The following EIF4H variants were observed in gnomAD, a reference collection of about 807,000 sequenced individuals.
EIF4H encodes the protein eukaryotic translation initiation factor 4H, also known as Williams-Beuren syndrome chromosome region 1.
In EIF4H, 8 loss-of-function variants were observed where a neutral mutation model predicts 30.6. The ratio of observed to expected loss-of-function variants is 0.26; its 90% confidence interval spans 0.15 to 0.47. The LOEUF (loss-of-function observed/expected upper bound fraction) is 0.47. EIF4H is among the 20% of genes least tolerant of loss of function. The pLI, the probability that EIF4H is intolerant of heterozygous loss-of-function variation, is 0.99. For missense variants in EIF4H, 188 were observed against 339.5 expected (o/e 0.55, Z 3.51); for synonymous variants, 106 against 122.7 (o/e 0.86, Z 0.90).
chr7:74,179,226 A>G (rs1459853434), intron 1 of EIF4H, among the ~76,000 whole-genome samples: 1 of 152,182 alleles, frequency 6.6e-6, no homozygotes, highest in Non-Finnish European at 1.5e-5. Flanking sequence ...ATAATTCTGG[A>G]TATTCATATT....
intron 1 of EIF4H, among the ~76,000 whole-genome samples, chr7:74,180,676 A>T (rs559623256): frequency 6.6e-6 from 1 of 152,310 alleles, no homozygotes; most frequent in South Asian, 2.1e-4. Flanking sequence ...GAAGAAGGTG[A>T]TAGTGGGGAT....
chr7:74,190,657 A>G (rs1471625112), intron 5 of EIF4H, among the ~76,000 whole-genome samples: 1 of 152,196 alleles, frequency 6.6e-6, no homozygotes, highest in Non-Finnish European at 1.5e-5. Flanking sequence ...TCTGGAAAAC[A>G]TAGGATAGAG....
chr7:74,184,735 C>T (rs1037589866), intron 1 of EIF4H, among the ~76,000 whole-genome samples: 1 of 151,878 alleles, frequency 6.6e-6, no homozygotes, highest in South Asian at 2.1e-4. Flanking sequence ...GAGATGGAGT[C>T]TCGCTCTGTA....
rs987416273 is a variant in EIF4H at position 74,187,601 on chromosome 7, C to T, written c.60-10C>T. The T allele has an allele frequency of 6.4e-7, 1 of 1,560,550 alleles. No individual in the cohort carries two copies. Among genetic ancestry groups the T allele is most frequent in the Admixed American group, 1.9e-5 (1 of 53,784 alleles). On this transcript the variant is annotated splice_polypyrimidine_tract_variant and intron_variant, in intron 1 of 6. Coordinates refer to ENST00000265753, the MANE Select transcript of EIF4H (RefSeq NM_022170.2). ...GGGCACACTTGAATCCTGTTTGTCTCCCCTCCTAGGTCCCGCGGCAGTGCT... is the reference window on the plus strand; with the variant it reads ...GGGCACACTTGAATCCTGTTTGTCTTCCCTCCTAGGTCCCGCGGCAGTGCT...
At position 74,195,533 on chromosome 7, in the gene EIF4H, T is replaced by TC. The variant is rs1801327079; in HGVS notation, c.*227dup. 7.3e-6 allele frequency: 3 copies of TC among 409,790 alleles called. No homozygotes were observed. Among genetic ancestry groups the TC allele is most frequent in the Non-Finnish European group, 8.7e-6 (2 of 229,340 alleles). 25.4% of individuals were successfully genotyped at this position (409,790 alleles called of 1,614,324 possible). ...CCTGTTTGTGCGTTTTTTTCTTTCT[T>TC]CCGCTGCTTCCCCATTTTCCTTCTG... is the stretch of plus-strand genomic sequence containing the variant. On this transcript the variant is annotated 3_prime_UTR_variant, in exon 7 of 7. Coordinates refer to ENST00000265753, the MANE Select transcript of EIF4H (RefSeq NM_022170.2).
Position 74,174,455 on chromosome 7 carries a change from T to G in EIF4H, c.59+13T>G. On this transcript the variant is annotated intron_variant, in intron 1 of 6. Transcript: ENST00000265753. ...GCGGCGGCAGAGGGTGAGGCGGGCG[T>G]GCGCGGGCCCCGTCGGGGGCTGCGG... 7.0e-7 allele frequency: 1 copy of G among 1,421,486 alleles called. No individual in the cohort carries two copies. The highest frequency in any genetic ancestry group is 1.5e-5 in the African/African-American group (1 of 67,906). The allele number at this position is 1,421,486 out of a possible 1,614,324, so 88.1% of individuals were successfully genotyped here.
At chr7:74,177,692 C>T (rs1434853680) in intron 1 of EIF4H, among the ~76,000 whole-genome samples, 1 of 152,174 alleles carries the variant, frequency 6.6e-6, no homozygotes, top group Admixed American at 6.5e-5. Flanking sequence ...AATGTCAAGT[C>T]GTTTAGGTTT....
At chr7:74,193,528 A>G (rs1801272914) in intron 5 of EIF4H, among the ~76,000 whole-genome samples, 1 of 152,106 alleles carries the variant, frequency 6.6e-6, no homozygotes. Flanking sequence ...CCACTCTCGC[A>G]GAGAGTAGCA....
intron 1 of EIF4H, among the ~76,000 whole-genome samples, chr7:74,177,763 A>T (rs1800873594): frequency 6.6e-6 from 1 of 152,166 alleles, no homozygotes; most frequent in Admixed American, 6.6e-5. Flanking sequence ...CCTCTATGAA[A>T]AGTGTTACCA....
chr7:74,190,214 G>A (rs781890890), intron 4 of EIF4H, 33 bp from the exon 5 acceptor site: 52 of 1,605,518 alleles, frequency 3.2e-5, no homozygotes, highest in African/African-American at 1.3e-5. Flanking sequence ...GTAATGACAC[G>A]ACCTCAACTT....
chr7:74,188,165 AATCCAGTAATCATATGGTACTGTC>A (rs1467490405), intron 2 of EIF4H, among the ~76,000 whole-genome samples: 1 of 152,194 alleles, frequency 6.6e-6, no homozygotes, highest in Non-Finnish European at 1.5e-5. Context: ...CTTGGTAGTT[AATCCAGTAATCATATGGTACTGTC>A]ATCCAGTAAT....
intron 5 of EIF4H, 39 bp downstream of exon 5, chr7:74,190,345 G>T: frequency 6.3e-7 from 1 of 1,597,358 alleles, no homozygotes; most frequent in Non-Finnish European, 8.6e-7. Context: ...ATTTTTCCTA[G>T]GAGCCTTGCT....
intron 1 of EIF4H, among the ~76,000 whole-genome samples, chr7:74,175,240 A>G (rs1800811039): frequency 6.6e-6 from 1 of 152,170 alleles, no homozygotes; most frequent in Non-Finnish European, 1.5e-5. Context: ...TTGAATAGAG[A>G]GCTCATGGTG....
At chr7:74,181,472 C>G (rs1800961061) in intron 1 of EIF4H, among the ~76,000 whole-genome samples, 2 of 151,918 alleles carry the variant, frequency 1.3e-5, no homozygotes, top group Admixed American at 1.3e-4. Context: ...ACTCTTGTTG[C>G]CCAGGCTGGA....
Position 74,174,362 on chromosome 7 carries a change from C to A in EIF4H, c.-22C>A. On this transcript the variant is annotated 5_prime_UTR_variant, in exon 1 of 7. Coordinates refer to ENST00000265753, the MANE Select transcript of EIF4H (RefSeq NM_022170.2). ...GGGTCCTTCCTCGCTCACCCTGGTT[C>A]CTCTCGGAGCGGAGACGGCAAATGG... 1 of 1,440,386 alleles carries A rather than the reference C, an allele frequency of 6.9e-7. No individual in the cohort carries two copies. Among genetic ancestry groups the A allele is most frequent in the Non-Finnish European group, 9.2e-7 (1 of 1,082,146 alleles). The allele number at this position is 1,440,386 out of a possible 1,614,324, so 89.2% of individuals were successfully genotyped here. A position where few individuals can be genotyped will look rare whatever the true frequency, so the allele number is the denominator to read the frequency against.
At chr7:74,192,230 T>A (rs1281913774) in intron 5 of EIF4H, among the ~76,000 whole-genome samples, 1 of 152,232 alleles carries the variant, frequency 6.6e-6, no homozygotes, top group Non-Finnish European at 1.5e-5. Context: ...AAAGGTACAC[T>A]TCACAGTTTA....
chr7:74,178,469 G>A (rs1200643386), intron 1 of EIF4H, among the ~76,000 whole-genome samples: 1 of 151,920 alleles, frequency 6.6e-6, no homozygotes, highest in African/African-American at 2.4e-5. Context: ...GCTTGAACCA[G>A]GGAGGCGGAG....
chr7:74,177,842 G>A (rs1331578827), intron 1 of EIF4H, among the ~76,000 whole-genome samples: 6 of 152,198 alleles, frequency 3.9e-5, no homozygotes, highest in African/African-American at 1.2e-4. Flanking sequence ...TTGGAATAAG[G>A]CAGACCAGAG....
intron 1 of EIF4H, among the ~76,000 whole-genome samples, chr7:74,174,979 CTGGCCCGGGGA>C (rs1800804324): frequency 6.6e-6 from 1 of 152,180 alleles, no homozygotes; most frequent in Non-Finnish European, 1.5e-5. Context: ...TTTGGCGGCT[CTGGCCCGGGGA>C]TGGTACGACT....
Sources: gnomAD v4.1 joint callset for allele counts (sites outside exome capture counted in the v4.1 genomes callset) on GRCh38, gnomAD v4.1.1 for gene constraint, MANE v1.5 for transcripts, NCBI Gene and HGNC (gene_info 2026-07-23, HGNC 2026-07-21) for gene names.